Variants in HHAT observed in about 807,000 individuals in gnomAD.
The protein encoded by HHAT is hedgehog acyltransferase.
Under a neutral mutation model 70.8 loss-of-function variants are expected in HHAT, and 47 were observed. The observed-to-expected ratio is 0.66, with a 90% CI of 0.53 to 0.85. The LOEUF is 0.85. HHAT is among the 40% of genes least tolerant of loss of function. HHAT has a pLI of 0.00. For missense variants in HHAT, 609 were observed against 604.8 expected, an observed-to-expected ratio of 1.01 and a Z score of -0.07; for synonymous variants, 228 against 247.6, an observed-to-expected ratio of 0.92 and a Z score of 0.74.
chr1:210,507,737 C>G (rs2094885343), intron 8 of HHAT, among the ~76,000 whole-genome samples: 1 of 152,110 alleles, frequency 6.6e-6, no homozygotes, highest in Admixed American at 6.5e-5. Context: ...GGCCCCACCC[C>G]TGAACTCTTT....
intron 2 of HHAT, among the ~76,000 whole-genome samples, chr1:210,353,187 C>T (rs967339505): frequency 5.3e-5 from 8 of 152,202 alleles, no homozygotes; most frequent in Non-Finnish European, 1.0e-4. Context: ...CCACTCCCCT[C>T]AGCCTCTCAA....
At chr1:210,660,526 G>A (rs1039299454) in intron 11 of HHAT, among the ~76,000 whole-genome samples, 1 of 152,068 alleles carries the variant, frequency 6.6e-6, no homozygotes, top group Admixed American at 6.5e-5. Context: ...TCCCCATCAA[G>A]GTACCAATGA....
At chr1:210,352,679 T>C (rs1416138656) in intron 2 of HHAT, among the ~76,000 whole-genome samples, 1 of 152,140 alleles carries the variant, frequency 6.6e-6, no homozygotes, top group African/African-American at 2.4e-5. Flanking sequence ...GCAGACTGAT[T>C]TTAACAGCCT....
intron 11 of HHAT, among the ~76,000 whole-genome samples, chr1:210,625,328 G>A (rs1015885023): frequency 1.3e-5 from 2 of 152,130 alleles, no homozygotes; most frequent in African/African-American, 2.4e-5. Context: ...TGACTTGGTG[G>A]GGGGAAAGTG....
intron 9 of HHAT, among the ~76,000 whole-genome samples, chr1:210,551,708 T>A (rs2095529250): frequency 1.3e-5 from 2 of 152,322 alleles, no homozygotes; most frequent in Admixed American, 6.5e-5. Context: ...TAATGAACGA[T>A]TTATTGAAGG....
intron 10 of HHAT, among the ~76,000 whole-genome samples, chr1:210,607,300 T>G (rs1322237281): frequency 1.3e-5 from 2 of 152,184 alleles, no homozygotes; most frequent in Non-Finnish European, 1.5e-5. Flanking sequence ...CTTCATTTTT[T>G]ATCTGTGAAT....
intron 3 of HHAT, among the ~76,000 whole-genome samples, chr1:210,376,759 A>G (rs2090256843): frequency 6.6e-6 from 1 of 152,188 alleles, no homozygotes; most frequent in Admixed American, 6.5e-5. Flanking sequence ...GTAAAGATGT[A>G]TGGGAGAACT....
intron 3 of HHAT, 136 bp from the exon 4 acceptor site, chr1:210,387,332 G>A (rs1352232342): frequency 1.4e-6 from 1 of 704,694 alleles, no homozygotes; most frequent in Non-Finnish European, 2.4e-6. Flanking sequence ...GGTGGGGAAA[G>A]GCTAGAAGTG....
chr1:210,409,336 G>GGAGT (rs1480478853), intron 6 of HHAT, among the ~76,000 whole-genome samples: 1 of 152,148 alleles, frequency 6.6e-6, no homozygotes, highest in African/African-American at 2.4e-5. Context: ...AGAGGGGGAT[G>GGAGT]GAGTGTGGCC....
At chr1:210,471,884 GTTTAC>G (rs1019186203) in intron 8 of HHAT, among the ~76,000 whole-genome samples, 17 of 152,072 alleles carry the variant, frequency 1.1e-4, no homozygotes, top group African/African-American at 3.1e-4. Flanking sequence ...ATGCATTGTT[GTTTAC>G]TTTAGTCACC....
intron 4 of HHAT, among the ~76,000 whole-genome samples, chr1:210,388,852 T>C (rs1270040693): frequency 6.6e-6 from 1 of 152,202 alleles, no homozygotes; most frequent in Non-Finnish European, 1.5e-5. Context: ...ACCATAAGTC[T>C]CAGTTTTCCC....
intron 11 of HHAT, among the ~76,000 whole-genome samples, chr1:210,659,550 C>T (rs145702304): frequency 0.01 from 1,541 of 152,268 alleles, 50 homozygotes; most frequent in East Asian, 0.067. Flanking sequence ...AAGAGGGAAT[C>T]CCCCCTAACT....
intron 9 of HHAT, among the ~76,000 whole-genome samples, chr1:210,531,113 C>T (rs2095310273): frequency 6.6e-6 from 1 of 152,182 alleles, no homozygotes. Flanking sequence ...AACCTGTGTA[C>T]TGTGTTACTG....
At chr1:210,461,598 G>A (rs2093980675) in intron 7 of HHAT, among the ~76,000 whole-genome samples, 1 of 152,164 alleles carries the variant, frequency 6.6e-6, no homozygotes, top group African/African-American at 2.4e-5. Context: ...CACCGTGCCT[G>A]GCTGAGCCAT....
chr1:210,493,552 G>T (rs1306483642), intron 8 of HHAT, among the ~76,000 whole-genome samples: 1 of 152,080 alleles, frequency 6.6e-6, no homozygotes. Context: ...ATTTATACTG[G>T]TGTTTGACCA....
At chr1:210,431,410 C>T (rs1182022732) in intron 7 of HHAT, among the ~76,000 whole-genome samples, 1 of 151,760 alleles carries the variant, frequency 6.6e-6, no homozygotes, top group East Asian at 1.9e-4. Context: ...TCTGCTCTTG[C>T]TTTATATATA....
intron 10 of HHAT, among the ~76,000 whole-genome samples, chr1:210,606,280 A>T (rs1573675114): frequency 6.6e-6 from 1 of 152,054 alleles, no homozygotes; most frequent in South Asian, 2.1e-4. Flanking sequence ...TTAATTCAGC[A>T]CTCAGCACAC....
At chr1:210,503,275 A>C (rs1158698179) in intron 8 of HHAT, among the ~76,000 whole-genome samples, 2 of 152,114 alleles carry the variant, frequency 1.3e-5, no homozygotes, top group Non-Finnish European at 2.9e-5. Flanking sequence ...AATTTTACTT[A>C]GCCTGACTGC....
At chr1:210,418,361 C>G in intron 7 of HHAT, 36 bp downstream of exon 7, 1 of 1,541,052 alleles carries the variant, frequency 6.5e-7, no homozygotes, top group Non-Finnish European at 8.8e-7. Flanking sequence ...GGATGAGCCC[C>G]AATAGTCCAA....
Sources: gnomAD v4.1 joint callset for allele counts (sites outside exome capture counted in the v4.1 genomes callset) on GRCh38, gnomAD v4.1.1 for gene constraint, MANE v1.5 for transcripts, NCBI Gene and HGNC (gene_info 2026-07-23, HGNC 2026-07-21) for gene names.